Variants in JPH3 observed in about 807,000 individuals in gnomAD.
JPH3 encodes the protein junctophilin 3, also known as junctophilin-3.
A neutral mutation model predicts 59.6 loss-of-function variants in JPH3; 11 were observed. That is an observed-to-expected ratio of 0.18 (90% CI 0.12 to 0.31). JPH3 has a LOEUF of 0.31. Among genes scored for constraint, JPH3 ranks in the 10% least tolerant of loss-of-function variants. JPH3 has a pLI of 1.00. For missense variants in JPH3, 1,202 were observed against 1,105.7 expected, an observed-to-expected ratio of 1.09 and a Z score of -1.24; for synonymous variants, 673 against 483.6, an observed-to-expected ratio of 1.39 and a Z score of -5.14.
At chr16:87,658,114 C>G (rs1820512177) in intron 2 of JPH3, among the ~76,000 whole-genome samples, 1 of 152,170 alleles carries the variant, frequency 6.6e-6, no homozygotes, top group Non-Finnish European at 1.5e-5. Context: ...TGTGAAGACA[C>G]CACCTGTGTG....
chr16:87,686,776 T>G lies in JPH3; in HGVS notation c.1285+2510T>G, dbSNP rs551506920. On this transcript the variant is annotated intron_variant, in intron 3 of 4. Transcript: ENST00000284262. ...CAGGAGGGGCCTTGGGCTGACCTTT[T>G]AAGTCCTGAAGCTGCCTCCTCCGAC... Among the ~76,000 whole-genome samples, 34 of 152,312 alleles carry G rather than the reference T, an allele frequency of 2.2e-4. No individual in the cohort carries two copies. In the South Asian group the frequency reaches 6.2e-3, roughly 28 times the overall value.
At chr16:87,678,462 C>T (rs1251330860) in intron 2 of JPH3, among the ~76,000 whole-genome samples, 7 of 152,042 alleles carry the variant, frequency 4.6e-5, no homozygotes, top group Admixed American at 6.6e-5. Flanking sequence ...TTTCTTGAAC[C>T]TGTGAGAAAG....
At chr16:87,621,180 C>T (rs2031172339) in intron 1 of JPH3, among the ~76,000 whole-genome samples, 1 of 117,082 alleles carries the variant, frequency 8.5e-6, no homozygotes, top group Non-Finnish European at 1.9e-5. Context: ...GAAAAAGAAA[C>T]TGGTCCCCTG....
rs987061333 is a variant in JPH3, at chr16:87,602,534, A to ACGCCGCCGCCGC, written c.-611_-600dup. 6.8e-5 allele frequency among the ~76,000 whole-genome samples: 9 copies of ACGCCGCCGCCGC among 132,200 alleles called. No individual in the cohort carries two copies. The highest frequency in any genetic ancestry group is 2.7e-4 in the South Asian group (1 of 3,764). The allele number at this position is 132,200 out of a possible 152,430, so 86.7% of individuals were successfully genotyped here. ...AGCGCGCGAGCCGGGCCCGGAGCGC[A>ACGCCGCCGCCGC]CGCCGCCGCCGCCACCGCCGCCGCC... On this transcript the variant is annotated 5_prime_UTR_variant, in exon 1 of 5. Transcript: ENST00000284262.
chr16:87,644,393 A>C lies in JPH3; in HGVS notation c.518A>C (p.Asn173Thr). The change falls in exon 2 of 5, where the codon AAC becomes ACC. Residue 173 changes from asparagine (N) to threonine (T), a missense_variant. Asn to Thr is a moderately conservative substitution (Grantham distance 65, BLOSUM62 0). Transcript: ENST00000284262. Reference sequence around the variant, plus strand: ...AACTCCCTGCGCAGCGAGCACACCAACGGCACGGCGCTGCATCCCGACGCC... The same window carrying C: ...AACTCCCTGCGCAGCGAGCACACCACCGGCACGGCGCTGCATCCCGACGCC... ...SINSLRSEHTNGTALHPDASP... is the reference protein window; with the variant it reads ...SINSLRSEHTTGTALHPDASP... 6.2e-7 allele frequency: 1 copy of C among 1,612,614 alleles called. No homozygotes were observed. The highest frequency in any genetic ancestry group is 8.5e-7 in the Non-Finnish European group (1 of 1,179,754).
In JPH3 at chr16:87,680,381, A is replaced by G. The variant is rs113838327; in HGVS notation, c.1161-3761A>G. Reference sequence around the variant, plus strand: ...GCCCGGAAGGAAGCGGTGTGGACCCAGAAGGAAGCGGAGCCCTGGTGGGCA... The same window carrying G: ...GCCCGGAAGGAAGCGGTGTGGACCCGGAAGGAAGCGGAGCCCTGGTGGGCA... On this transcript the variant is annotated intron_variant, in intron 2 of 4. Coordinates refer to ENST00000284262, the MANE Select transcript of JPH3 (RefSeq NM_020655.4). Among the ~76,000 whole-genome samples, 10 of 74,248 alleles carry G rather than the reference A, an allele frequency of 1.3e-4. 1 individual carries two copies. The South Asian group carries it at 1.8e-3, about 13-fold the overall frequency. 48.7% of individuals were successfully genotyped at this position (74,248 alleles called of 152,430 possible).
intron 2 of JPH3, among the ~76,000 whole-genome samples, chr16:87,660,731 C>G (rs770516760): frequency 6.6e-6 from 1 of 152,198 alleles, no homozygotes; most frequent in Non-Finnish European, 1.5e-5. Flanking sequence ...TGTCATATCG[C>G]CTGTCTGAGC....
intron 2 of JPH3, among the ~76,000 whole-genome samples, chr16:87,666,880 A>G (rs1339702259): frequency 2.0e-5 from 3 of 152,202 alleles, no homozygotes; most frequent in Non-Finnish European, 4.4e-5. Flanking sequence ...ACCGAGTGGG[A>G]GCTTGGCAGG....
chr16:87,655,233 C>T (rs555312642), intron 2 of JPH3, among the ~76,000 whole-genome samples: 1 of 152,252 alleles, frequency 6.6e-6, no homozygotes, highest in South Asian at 2.1e-4. Flanking sequence ...GCTGCATATT[C>T]GAGGCGCGCA....
chr16:87,612,218 G>A (rs929010912), intron 1 of JPH3, among the ~76,000 whole-genome samples: 1 of 152,092 alleles, frequency 6.6e-6, no homozygotes, highest in Non-Finnish European at 1.5e-5. Context: ...CTGCCTCCTG[G>A]CCTCAAGCCA....
At chr16:87,663,708 C>A (rs958841315) in intron 2 of JPH3, among the ~76,000 whole-genome samples, 1 of 152,206 alleles carries the variant, frequency 6.6e-6, no homozygotes, top group African/African-American at 2.4e-5. Flanking sequence ...GTCTCCACTG[C>A]CCCGTCTCTG....
intron 2 of JPH3, among the ~76,000 whole-genome samples, chr16:87,678,864 C>G (rs1007286864): frequency 1.3e-5 from 2 of 150,746 alleles, no homozygotes; most frequent in Non-Finnish European, 3.0e-5. Context: ...GCCGAGGGCG[C>G]CAGCAGCCGC....
At chr16:87,608,976 G>T (rs548601621) in intron 1 of JPH3, among the ~76,000 whole-genome samples, 38 of 152,344 alleles carry the variant, frequency 2.5e-4, no homozygotes, top group African/African-American at 7.9e-4. Flanking sequence ...GGTCAAGGCT[G>T]CAGTGAGCCA....
chr16:87,631,546 A>G (rs2031566275), intron 1 of JPH3, among the ~76,000 whole-genome samples: 1 of 151,952 alleles, frequency 6.6e-6, no homozygotes, highest in Admixed American at 6.6e-5. Context: ...TGAGTTCTGA[A>G]TTTCATGCCA....
intron 1 of JPH3, among the ~76,000 whole-genome samples, chr16:87,634,653 G>C (rs541227323): frequency 8.5e-5 from 13 of 152,244 alleles, no homozygotes; most frequent in Non-Finnish European, 1.6e-4. Flanking sequence ...TGACGGGAGG[G>C]GGGCTCTGGC....
intron 2 of JPH3, among the ~76,000 whole-genome samples, chr16:87,671,713 C>T (rs531673901): frequency 2.0e-5 from 3 of 152,244 alleles, no homozygotes; most frequent in East Asian, 1.9e-4. Context: ...TTGGTGTTGC[C>T]GCATCCTCCC....
chr16:87,606,492 G>A (rs1274586095), intron 1 of JPH3, among the ~76,000 whole-genome samples: 1 of 152,214 alleles, frequency 6.6e-6, no homozygotes, highest in Non-Finnish European at 1.5e-5. Flanking sequence ...GCCTGGGGGT[G>A]TGGGGTACAG....
chr16:87,683,007 C>G (rs2033332162), intron 2 of JPH3, among the ~76,000 whole-genome samples: 1 of 152,262 alleles, frequency 6.6e-6, no homozygotes, highest in African/African-American at 2.4e-5. Flanking sequence ...CAGGGAGCGG[C>G]CAGAGGGGTG....
At chr16:87,616,187 G>GTTTTTT (rs1555533960) in intron 1 of JPH3, among the ~76,000 whole-genome samples, 17 of 108,984 alleles carry the variant, frequency 1.6e-4, no homozygotes, top group African/African-American at 6.1e-4. Context: ...ACGCAATCTG[G>GTTTTTT]TTTTGTGTGT....
Sources: gnomAD v4.1 joint callset for allele counts (sites outside exome capture counted in the v4.1 genomes callset) on GRCh38, gnomAD v4.1.1 for gene constraint, MANE v1.5 for transcripts, NCBI Gene and HGNC (gene_info 2026-07-23, HGNC 2026-07-21) for gene names.